The following TUBA1C variants were observed in gnomAD, a reference collection of about 807,000 sequenced individuals.
TUBA1C encodes the protein tubulin alpha-1C chain.
Under a neutral mutation model 34.9 loss-of-function variants are expected in TUBA1C, and 16 were observed. The observed-to-expected ratio is 0.46, with a 90% CI of 0.31 to 0.70. TUBA1C has a LOEUF of 0.70. Among genes scored for constraint, TUBA1C ranks in the 30% least tolerant of loss-of-function variants. The probability of loss-of-function intolerance (pLI) is 0.05; values close to 1 mark genes in which losing one functional copy is unlikely to be tolerated. For synonymous variants in TUBA1C, 177 were observed against 215.9 expected (o/e 0.82, Z 1.58); for missense variants, 329 against 587.3 (o/e 0.56, Z 4.55).
intron 1 of TUBA1C, among the ~76,000 whole-genome samples, chr12:49,268,905 G>A (rs1259937186): frequency 6.6e-6 from 1 of 152,178 alleles, no homozygotes; most frequent in Non-Finnish European, 1.5e-5. Context: ...TTAGTTTAAG[G>A]AATCATATCT....
chr12:49,240,763 A>G (rs1356100443), intron 1 of TUBA1C, among the ~76,000 whole-genome samples: 2 of 151,632 alleles, frequency 1.3e-5, no homozygotes, highest in Non-Finnish European at 2.9e-5. Flanking sequence ...AATTTTTTTT[A>G]TTATTATTTT....
chr12:49,247,658 G>C (rs1942685131), intron 1 of TUBA1C, among the ~76,000 whole-genome samples: 1 of 151,930 alleles, frequency 6.6e-6, no homozygotes, highest in Non-Finnish European at 1.5e-5. Context: ...GCTTTAGAAA[G>C]TAAAATCGGC....
chr12:49,267,536 G>A (rs1422919871), intron 1 of TUBA1C, among the ~76,000 whole-genome samples: 2 of 152,332 alleles, frequency 1.3e-5, no homozygotes, highest in East Asian at 3.9e-4. Context: ...GTGGGCACCT[G>A]TAATCCCAGC....
intron 1 of TUBA1C, among the ~76,000 whole-genome samples, chr12:49,235,071 C>T (rs945528173): frequency 7.3e-5 from 11 of 150,976 alleles, no homozygotes; most frequent in Admixed American, 7.3e-4. Context: ...CCGCCTCGGC[C>T]TCCCAAAGTG....
intron 1 of TUBA1C, among the ~76,000 whole-genome samples, chr12:49,258,415 ATTATTTATGTT>A (rs912240072): frequency 2.0e-5 from 3 of 151,846 alleles, no homozygotes; most frequent in South Asian, 2.1e-4. Flanking sequence ...TTTTATAAAA[ATTATTTATGTT>A]TTGTTTTTTG....
chr12:49,235,955 T>G lies in TUBA1C; in HGVS notation c.213+7789T>G, dbSNP rs566117443. 5.3e-5 allele frequency among the ~76,000 whole-genome samples: 8 copies of G among 152,306 alleles called. No homozygotes were observed. The East Asian group carries it at 1.5e-3, about 29-fold the overall frequency. ...AAACTAAAACTATGCTTTCCATCAG[T>G]GCACACAGCGGGTTTCAGGGACAGA... On this transcript the variant is annotated intron_variant, in intron 1 of 3. Coordinates refer to the TUBA1C transcript ENST00000541364.
intron 1 of TUBA1C, among the ~76,000 whole-genome samples, chr12:49,244,304 G>C (rs1942647266): frequency 6.6e-6 from 1 of 152,120 alleles, no homozygotes; most frequent in African/African-American, 2.4e-5. Context: ...GTTTGGTCAT[G>C]TTTCTCCTTC....
intron 1 of TUBA1C, among the ~76,000 whole-genome samples, chr12:49,243,670 G>A (rs1466649469): frequency 6.6e-6 from 1 of 151,986 alleles, no homozygotes. Flanking sequence ...GGAGTGCAGT[G>A]GTGCAATCAT....
At chr12:49,248,440 C>A (rs1318226480) in intron 1 of TUBA1C, among the ~76,000 whole-genome samples, 1 of 150,924 alleles carries the variant, frequency 6.6e-6, no homozygotes, top group South Asian at 2.1e-4. Context: ...GCGGTGGCGG[C>A]GCCTATAGTC....
intron 1 of TUBA1C, among the ~76,000 whole-genome samples, chr12:49,265,861 A>G (rs1383223101): frequency 6.6e-6 from 1 of 152,124 alleles, no homozygotes; most frequent in Non-Finnish European, 1.5e-5. Flanking sequence ...ATTTTCTTAT[A>G]AAACCAGAGT....
At chr12:49,231,615 C>T (rs561378902) in intron 1 of TUBA1C, among the ~76,000 whole-genome samples, 163 of 152,160 alleles carry the variant, frequency 1.1e-3, no homozygotes, top group African/African-American at 2.7e-3. Context: ...GAGAACACGG[C>T]GTAGTATTGT....
chr12:49,265,909 C>T (rs1387238280), intron 1 of TUBA1C, among the ~76,000 whole-genome samples: 1 of 144,904 alleles, frequency 6.9e-6, no homozygotes, highest in Admixed American at 7.0e-5. Context: ...AATCCCAGCA[C>T]TTGTTCGAGA....
chr12:49,268,134 CTG>C (rs1188349840), intron 1 of TUBA1C, among the ~76,000 whole-genome samples: 1 of 152,180 alleles, frequency 6.6e-6, no homozygotes, highest in Non-Finnish European at 1.5e-5. Flanking sequence ...AGTCTTGCCT[CTG>C]TTGCCCAGGC....
chr12:49,239,019 C>T lies in TUBA1C; in HGVS notation c.213+10853C>T, dbSNP rs111472850. Reference sequence around the variant, plus strand: ...GGTCAGCTTAACCTTCAGCCCCTCTCCCCTCCCTGGAAGTTCCAGCCCTCT... The same window carrying T: ...GGTCAGCTTAACCTTCAGCCCCTCTTCCCTCCCTGGAAGTTCCAGCCCTCT... On this transcript the variant is annotated intron_variant, in intron 1 of 3. Coordinates refer to the TUBA1C transcript ENST00000541364. Among the ~76,000 whole-genome samples the T allele has an allele frequency of 3.9e-5, 6 of 152,310 alleles. No individual in the cohort carries two copies. In the South Asian group the frequency reaches 1.2e-3, roughly 32 times the overall value.
At chr12:49,242,623 A>T (rs751487762) in intron 1 of TUBA1C, among the ~76,000 whole-genome samples, 2 of 151,816 alleles carry the variant, frequency 1.3e-5, no homozygotes, top group Admixed American at 1.3e-4. Context: ...GCACACCACC[A>T]CACCCAGCTA....
At chr12:49,247,327 T>C (rs12308782) in intron 1 of TUBA1C, among the ~76,000 whole-genome samples, 2,536 of 147,040 alleles carry the variant, frequency 0.017, 73 homozygotes, top group African/African-American at 0.06. Context: ...GAGGCTGAGG[T>C]GGGTGGATCA....
At chr12:49,250,449 G>A (rs189365610) in intron 1 of TUBA1C, among the ~76,000 whole-genome samples, 1 of 151,100 alleles carries the variant, frequency 6.6e-6, no homozygotes, top group Admixed American at 6.6e-5. Flanking sequence ...GCGTGAACCT[G>A]GGAGGCGGAG....
chr12:49,233,058 G>T (rs1942513487), intron 1 of TUBA1C: 1 of 152,208 alleles, frequency 6.6e-6, no homozygotes, highest in South Asian at 2.1e-4. Context: ...GGAGAACAAA[G>T]AAAAAGTGGC....
At chr12:49,255,401 A>T (rs1378036839) in intron 1 of TUBA1C, among the ~76,000 whole-genome samples, 1 of 124,284 alleles carries the variant, frequency 8.0e-6, no homozygotes, top group Non-Finnish European at 1.7e-5. Context: ...ACTTATCTTT[A>T]AAAAATATAT....
Sources: gnomAD v4.1 joint callset for allele counts (sites outside exome capture counted in the v4.1 genomes callset) on GRCh38, gnomAD v4.1.1 for gene constraint, MANE v1.5 for transcripts, NCBI Gene and HGNC (gene_info 2026-07-23, HGNC 2026-07-21) for gene names.